Variants in MRTFA observed in about 807,000 individuals in gnomAD.
The protein encoded by MRTFA is myocardin related transcription factor A.
A neutral mutation model predicts 83.5 loss-of-function variants in MRTFA; 20 were observed. The ratio of observed to expected loss-of-function variants is 0.24; its 90% confidence interval spans 0.17 to 0.35. The LOEUF is 0.35. MRTFA is among the 10% of genes least tolerant of loss of function. MRTFA has a pLI of 1.00. For missense variants in MRTFA, 1,200 were observed against 1,224.7 expected, an observed-to-expected ratio of 0.98 and a Z score of 0.30; for synonymous variants, 659 against 541.2, an observed-to-expected ratio of 1.22 and a Z score of -3.02.
intron 4 of MRTFA, among the ~76,000 whole-genome samples, chr22:40,457,485 A>AGAAAGAAAGAAAGAAAGAAG: frequency 7.5e-6 from 1 of 133,348 alleles, no homozygotes; most frequent in East Asian, 2.8e-4. Context: ...AAAGAAAGAA[A>AGAAAGAAAGAAAGAAAGAAG]GAAGGAAAGA....
At chr22:40,603,947 G>A (rs1463624994) in intron 1 of MRTFA, among the ~76,000 whole-genome samples, 1 of 151,646 alleles carries the variant, frequency 6.6e-6, no homozygotes. Flanking sequence ...ACAGGCCCAT[G>A]GTGGTGGTTC....
chr22:40,523,820 C>T (rs372452575), intron 3 of MRTFA: 12 of 152,148 alleles, frequency 7.9e-5, no homozygotes, highest in African/African-American at 2.9e-4. Context: ...AATGTTGATA[C>T]CTAAGTTTTC....
At chr22:40,456,791 G>A (rs567264186) in intron 4 of MRTFA, among the ~76,000 whole-genome samples, 1 of 152,244 alleles carries the variant, frequency 6.6e-6, no homozygotes, top group African/African-American at 2.4e-5. Flanking sequence ...CATAAAATAA[G>A]TTGAAGTCTC....
At chr22:40,539,321 T>C (rs1273284499) in intron 3 of MRTFA, among the ~76,000 whole-genome samples, 1 of 150,844 alleles carries the variant, frequency 6.6e-6, no homozygotes, top group Non-Finnish European at 1.5e-5. Flanking sequence ...TGTTTAACAG[T>C]TTTGGCAGTT....
intron 3 of MRTFA, among the ~76,000 whole-genome samples, chr22:40,477,519 C>G (rs1358975406): frequency 2.0e-5 from 3 of 152,024 alleles, no homozygotes; most frequent in Non-Finnish European, 4.4e-5. Context: ...ATTTTGAAAA[C>G]TAATCCATAT....
intron 7 of MRTFA, among the ~76,000 whole-genome samples, chr22:40,426,850 A>G (rs568792342): frequency 6.6e-6 from 1 of 152,312 alleles, no homozygotes; most frequent in African/African-American, 2.4e-5. Context: ...TGACAACAGC[A>G]GCAACCATTG....
At chr22:40,624,139 A>G (rs1037367590) in intron 1 of MRTFA, among the ~76,000 whole-genome samples, 1 of 152,082 alleles carries the variant, frequency 6.6e-6, no homozygotes. Context: ...ATTTAAAAAG[A>G]TTGTCCAGGC....
intron 3 of MRTFA, among the ~76,000 whole-genome samples, chr22:40,483,444 G>A (rs2147188680): frequency 6.6e-6 from 1 of 151,076 alleles, no homozygotes; most frequent in South Asian, 2.1e-4. Flanking sequence ...CCAGCACTTT[G>A]GGAGGCCGAG....
At chr22:40,436,606 G>A (rs1053013393) in intron 4 of MRTFA, among the ~76,000 whole-genome samples, 14 of 152,166 alleles carry the variant, frequency 9.2e-5, no homozygotes, top group Admixed American at 7.2e-4. Flanking sequence ...CAGAAAGGCT[G>A]CACCATGAAT....
At chr22:40,427,230 G>A (rs891795572) in intron 7 of MRTFA, among the ~76,000 whole-genome samples, 2 of 152,116 alleles carry the variant, frequency 1.3e-5, no homozygotes, top group Non-Finnish European at 2.9e-5. Flanking sequence ...AATACACGGA[G>A]GAAACCACTG....
intron 1 of MRTFA, among the ~76,000 whole-genome samples, chr22:40,605,390 G>T (rs1240884817): frequency 6.6e-6 from 1 of 152,228 alleles, no homozygotes; most frequent in African/African-American, 2.4e-5. Context: ...AAGGAAAGTT[G>T]AAAGGACTGA....
intron 3 of MRTFA, among the ~76,000 whole-genome samples, chr22:40,539,333 T>C (rs1303539795): frequency 2.0e-5 from 3 of 149,246 alleles, no homozygotes; most frequent in Non-Finnish European, 4.4e-5. Context: ...TTGGCAGTTA[T>C]TAACAATTTT....
chr22:40,540,448 C>T (rs1441350353), intron 3 of MRTFA, among the ~76,000 whole-genome samples: 1 of 152,154 alleles, frequency 6.6e-6, no homozygotes, highest in Non-Finnish European at 1.5e-5. Context: ...CTCCTTTAGG[C>T]TCCCCCAGCA....
chr22:40,558,977 T>G (rs1016447249), intron 2 of MRTFA, among the ~76,000 whole-genome samples: 1 of 152,068 alleles, frequency 6.6e-6, no homozygotes, highest in African/African-American at 2.4e-5. Context: ...AGATGGGTTT[T>G]CACCATGTTG....
chr22:40,428,692 T>C (rs1456341456), intron 7 of MRTFA, among the ~76,000 whole-genome samples: 1 of 152,174 alleles, frequency 6.6e-6, no homozygotes, highest in African/African-American at 2.4e-5. Context: ...TTTTTGATTT[T>C]TTTTGTAGAG....
At chr22:40,507,251 C>T (rs1338603524) in intron 3 of MRTFA, among the ~76,000 whole-genome samples, 1 of 152,164 alleles carries the variant, frequency 6.6e-6, no homozygotes, top group Non-Finnish European at 1.5e-5. Flanking sequence ...GTCCCAGCTA[C>T]TTCAGAGGCT....
At chr22:40,564,565 G>T (rs996286078) in intron 2 of MRTFA, among the ~76,000 whole-genome samples, 6 of 152,070 alleles carry the variant, frequency 3.9e-5, no homozygotes, top group Admixed American at 1.3e-4. Flanking sequence ...GTCAAATACC[G>T]CTGAGTATCT....
At chr22:40,534,316 C>A (rs1195149274) in intron 3 of MRTFA, among the ~76,000 whole-genome samples, 1 of 152,158 alleles carries the variant, frequency 6.6e-6, no homozygotes, top group Non-Finnish European at 1.5e-5. Context: ...ATATCTGTTT[C>A]AAAAAGTCAT....
At chr22:40,469,378 T>A (rs907930183) in intron 3 of MRTFA, among the ~76,000 whole-genome samples, 3 of 152,122 alleles carry the variant, frequency 2.0e-5, no homozygotes, top group Admixed American at 6.5e-5. Context: ...TCTCTCTTGC[T>A]CCCTCTCTCG....
Sources: allele counts gnomAD v4.1 joint callset (sites outside exome capture counted in the v4.1 genomes callset), GRCh38; gene constraint gnomAD v4.1.1; transcripts MANE v1.5; gene names NCBI Gene and HGNC (gene_info 2026-07-23, HGNC 2026-07-21).